UCHL1: variants seen among roughly 807,000 people sequenced by gnomAD.
UCHL1 encodes ubiquitin C-terminal hydrolase L1.
A neutral mutation model predicts 33.3 loss-of-function variants in UCHL1; 5 were observed. That is an observed-to-expected ratio of 0.15 (90% CI 0.08 to 0.32). The LOEUF (loss-of-function observed/expected upper bound fraction) is 0.32. Among genes scored for constraint, UCHL1 ranks in the 10% least tolerant of loss-of-function variants. The pLI is 1.00. For missense variants in UCHL1, 236 were observed against 280.0 expected (o/e 0.84, Z 1.12); for synonymous variants, 132 against 108.8 (o/e 1.21, Z -1.33).
intron 8 of UCHL1, among the ~76,000 whole-genome samples, chr4:41,266,226 C>CG (rs1554005212): frequency 0.13 from 17,148 of 136,436 alleles, 1,289 homozygotes; most frequent in East Asian, 0.15. Context: ...CTGGCTAAAA[C>CG]TTTTTTTTTT....
At position 41,257,676 on chromosome 4, in the gene UCHL1, C is replaced by G. The variant is rs891423143; in HGVS notation, c.113C>G (p.Ser38Cys). ...FVDVLGLEEE[S>C]LGSVPAPACA... is the part of the protein sequence containing the mutation. The stretch of plus-strand genomic sequence containing the variant: ...GACGTGCTGGGGCTGGAAGAGGAGT[C>G]TCTGGGCTCGGTGCCAGCGCCTGCC... The change falls in exon 3 of 9, where the codon TCT (serine) becomes TGT (cysteine). Residue 38 changes from serine to cysteine, a missense_variant. Coordinates refer to ENST00000284440, the MANE Select transcript of UCHL1 (RefSeq NM_004181.5). The G allele has an allele frequency of 6.3e-7, 1 of 1,574,986 alleles. No homozygotes were observed. Among genetic ancestry groups the G allele is most frequent in the African/African-American group, 1.3e-5 (1 of 74,200 alleles).
intron 7 of UCHL1, among the ~76,000 whole-genome samples, chr4:41,263,746 A>G (rs1355116942): frequency 1.3e-5 from 2 of 152,352 alleles, no homozygotes; most frequent in South Asian, 2.1e-4. Context: ...ATCTACAGTC[A>G]TTGGAGGGCA....
At chr4:41,261,670 C>T in intron 4 of UCHL1, 45 bp from the exon 5 acceptor site, 1 of 1,586,830 alleles carries the variant, frequency 6.3e-7, no homozygotes, top group Non-Finnish European at 8.6e-7. Flanking sequence ...TATGTACCCA[C>T]TTGTATTATT....
intron 3 of UCHL1, among the ~76,000 whole-genome samples, chr4:41,260,171 T>C (rs1781048378): frequency 1.3e-5 from 2 of 152,234 alleles, no homozygotes; most frequent in Admixed American, 6.5e-5. Flanking sequence ...TGAAGCGAAG[T>C]GTACTTAAGC....
rs534355815 is a variant in UCHL1 at position 41,257,324 on chromosome 4, C to T, written c.45+198C>T. ...CTCTACGAAACCGGTCACGGGGAGA[C>T]GGAGGGGGCTGCGCCCCGTGGCGAG... On this transcript the variant is annotated intron_variant, in intron 2 of 8. Coordinates refer to ENST00000284440, the MANE Select transcript of UCHL1 (RefSeq NM_004181.5). 7 of 1,021,064 alleles carry T rather than the reference C, an allele frequency of 6.9e-6. No individual in the cohort carries two copies. In the Admixed American group the frequency reaches 1.2e-4, roughly 18 times the overall value. The allele number at this position is 1,021,064 out of a possible 1,614,324, so 63.3% of individuals were successfully genotyped here. A position where few individuals can be genotyped will look rare whatever the true frequency, so the allele number is the denominator to read the frequency against.
intron 8 of UCHL1, among the ~76,000 whole-genome samples, chr4:41,266,467 A>G (rs1274960735): frequency 2.6e-5 from 4 of 152,176 alleles, no homozygotes; most frequent in Admixed American, 6.5e-5. Context: ...CGTTAGCTCT[A>G]TAGAAGATGG....
At chr4:41,264,975 A>G (rs1019920275) in intron 8 of UCHL1, among the ~76,000 whole-genome samples, 3 of 152,220 alleles carry the variant, frequency 2.0e-5, no homozygotes, top group Non-Finnish European at 4.4e-5. Context: ...AGAGCCAAAC[A>G]AAATATTTTA....
At chr4:41,262,897 C>T (rs1372006119) in intron 6 of UCHL1, among the ~76,000 whole-genome samples, 3 of 152,054 alleles carry the variant, frequency 2.0e-5, no homozygotes, top group Admixed American at 1.3e-4. Context: ...TGTGAGCCAC[C>T]GTGCCTAGCC....
intron 1 of UCHL1, 26 bp from the exon 2 acceptor site, chr4:41,257,089 C>A: frequency 6.2e-7 from 1 of 1,613,996 alleles, no homozygotes; most frequent in Non-Finnish European, 8.5e-7. Flanking sequence ...TTCGGTTTTG[C>A]CTTTTTCTTT....
chr4:41,264,452 A>T, intron 8 of UCHL1: 1 of 481,874 alleles, frequency 2.1e-6, no homozygotes, highest in Non-Finnish European at 3.8e-6. Flanking sequence ...GATTAAGGTG[A>T]CCATTGTCCT....
chr4:41,260,830 G>A (rs762747139), intron 4 of UCHL1, 33 bp downstream of exon 4: 28 of 1,613,880 alleles, frequency 1.7e-5, no homozygotes, highest in Non-Finnish European at 2.4e-5. Flanking sequence ...GCCATCCTAA[G>A]CTTGAACTTG....
intron 7 of UCHL1, 31 bp downstream of exon 7, chr4:41,263,322 G>A (rs765165571): frequency 6.3e-7 from 1 of 1,585,248 alleles, no homozygotes; most frequent in Non-Finnish European, 8.7e-7. Flanking sequence ...GGAACCCAGT[G>A]TAGTTTCATG....
chr4:41,261,578 AC>A, intron 4 of UCHL1, 136 bp from the exon 5 acceptor site: 2 of 891,534 alleles, frequency 2.2e-6, no homozygotes. Context: ...GGGAAAAGGT[AC>A]AGCTCATCCA....
chr4:41,257,704 C>T lies in UCHL1; in HGVS notation c.141C>T (p.Cys47=). Residue 47 remains cysteine (C), a synonymous_variant, in exon 3 of 9, where the codon TGC becomes TGT. Coordinates refer to ENST00000284440, the MANE Select transcript of UCHL1 (RefSeq NM_004181.5). ...ESLGSVPAPA[C]ALLLLFPLTA... ...TGGGCTCGGTGCCAGCGCCTGCCTG[C>T]GCGCTGCTGCTGCTGTTTCCCCTCA... 6.3e-7 allele frequency: 1 copy of T among 1,580,020 alleles called. No individual in the cohort carries two copies. The highest frequency in any genetic ancestry group is 8.6e-7 in the Non-Finnish European group (1 of 1,166,572).
chr4:41,257,719 G>C lies in UCHL1; in HGVS notation c.156G>C (p.Leu52=). 1 of 1,580,954 alleles carries C rather than the reference G, an allele frequency of 6.3e-7. No individual in the cohort carries two copies. Among genetic ancestry groups the C allele is most frequent in the Non-Finnish European group, 8.6e-7 (1 of 1,167,240 alleles). ...VPAPACALLL[L]FPLTAQHENF... ...CGCCTGCCTGCGCGCTGCTGCTGCT[G>C]TTTCCCCTCACGGCCCAGGTAGGGC... Residue 52 remains leucine (L), a synonymous_variant, in exon 3 of 9, where the codon CTG becomes CTC. Transcript: ENST00000284440.
rs149934959 is a variant in UCHL1 at position 41,263,912 on chromosome 4, C to T, written c.527-191C>T. ...CTTGTGCGATCTTGTCAATTGTAGACTAGAATTGCCTGGGATGGATGCCTA... is the reference window on the plus strand; with the variant it reads ...CTTGTGCGATCTTGTCAATTGTAGATTAGAATTGCCTGGGATGGATGCCTA... On this transcript the variant is annotated intron_variant, in intron 7 of 8. Coordinates refer to ENST00000284440, the MANE Select transcript of UCHL1 (RefSeq NM_004181.5). 3.3e-3 allele frequency among the ~76,000 whole-genome samples: 499 copies of T among 152,324 alleles called. 5 individuals carry two copies. The highest frequency in any genetic ancestry group is 0.012 in the African/African-American group (480 of 41,566).
chr4:41,259,388 G>T (rs146738556), intron 3 of UCHL1, among the ~76,000 whole-genome samples: 1 of 152,196 alleles, frequency 6.6e-6, no homozygotes, highest in Non-Finnish European at 1.5e-5. Flanking sequence ...AGCCCTAAAG[G>T]ATGGTGCTAT....
intron 2 of UCHL1, 120 bp downstream of exon 2, chr4:41,257,246 G>A (rs1179805943): frequency 2.0e-6 from 3 of 1,491,062 alleles, no homozygotes; most frequent in Non-Finnish European, 2.7e-6. Flanking sequence ...GGAGACGGCC[G>A]GGCTGGGGCG....
Position 41,256,971 on chromosome 4 carries a change from G to A in UCHL1, c.-6G>A, listed in dbSNP as rs1421231739. 1.2e-6 allele frequency: 2 copies of A among 1,614,062 alleles called. No homozygotes were observed. The highest frequency in any genetic ancestry group is 1.1e-5 in the South Asian group (1 of 91,092). ...CTAGGCTATTTCTGCCGGGCGCTCCGCGAAGATGCAGCTCAAGCCGATGGA... is the reference window on the plus strand; with the variant it reads ...CTAGGCTATTTCTGCCGGGCGCTCCACGAAGATGCAGCTCAAGCCGATGGA... On this transcript the variant is annotated 5_prime_UTR_variant, in exon 1 of 9. Transcript: ENST00000284440.
Sources: gnomAD v4.1 joint callset for allele counts (sites outside exome capture counted in the v4.1 genomes callset) on GRCh38, gnomAD v4.1.1 for gene constraint, MANE v1.5 for transcripts, NCBI Gene and HGNC (gene_info 2026-07-23, HGNC 2026-07-21) for gene names.